Variants in NSL1 observed in about 807,000 individuals in gnomAD.
The protein encoded by NSL1 is NSL1 component of MIS12 kinetochore complex.
In NSL1, 11 loss-of-function variants were observed where a neutral mutation model predicts 25.4. The observed-to-expected ratio is 0.43, with a 90% confidence interval of 0.27 to 0.72. The LOEUF is 0.72. Among genes scored for constraint, NSL1 ranks in the 30% least tolerant of loss-of-function variants. The pLI is 0.19. For missense variants in NSL1, 330 were observed against 342.7 expected (o/e 0.96, Z 0.29); for synonymous variants, 118 against 120.6 (o/e 0.98, Z 0.14).
chr1:212,771,222 G>A (rs1298560541), intron 4 of NSL1, among the ~76,000 whole-genome samples: 8 of 152,172 alleles, frequency 5.3e-5, no homozygotes, highest in African/African-American at 1.7e-4. Flanking sequence ...ACTGAGGCAG[G>A]AGAATCACTT....
intron 4 of NSL1, among the ~76,000 whole-genome samples, chr1:212,763,628 G>C (rs1443597141): frequency 6.6e-6 from 1 of 152,128 alleles, no homozygotes; most frequent in Non-Finnish European, 1.5e-5. Flanking sequence ...GCGAGCAGTA[G>C]TTATTCTTAT....
rs763811733 is a variant in NSL1 at position 212,787,625 on chromosome 1, C to G, written c.247G>C (p.Ala83Pro). The G allele has an allele frequency of 6.3e-7, 1 of 1,598,960 alleles. No individual in the cohort carries two copies. Among genetic ancestry groups the G allele is most frequent in the South Asian group, 1.1e-5 (1 of 87,552 alleles). Reference protein sequence around the residue: ...LRDAQWTFESAVQENISINGQ... With the variant: ...LRDAQWTFESPVQENISINGQ... ...TTAATGCTGATATTCTCTTGCACAG[C>G]TGATTCAAAAGTCTGCAATAAATTC... Residue 83 changes from alanine (A) to proline (P), a missense_variant, in exon 2 of 6, where the codon GCT (alanine) becomes CCT (proline). Physicochemically the swap from Ala to Pro is conservative, Grantham distance 27. Coordinates refer to ENST00000366977, the MANE Select transcript of NSL1 (RefSeq NM_015471.4).
At position 212,732,992 on chromosome 1, in the gene NSL1, T is replaced by G. The variant is rs1658089001; in HGVS notation, c.*5416A>C. On this transcript the variant is annotated 3_prime_UTR_variant, in exon 6 of 6. Transcript: ENST00000366977. Reference sequence around the variant, plus strand: ...TCCTCAGGTCTGGGAATGTTTCTTGTGTTATTTCTATTTCTTTATTCTCTT... The same window carrying G: ...TCCTCAGGTCTGGGAATGTTTCTTGGGTTATTTCTATTTCTTTATTCTCTT... Among the ~76,000 whole-genome samples the G allele has an allele frequency of 6.6e-6, 1 of 152,190 alleles. No individual in the cohort carries two copies. The highest frequency in any genetic ancestry group is 2.4e-5 in the African/African-American group (1 of 41,440).
intron 4 of NSL1, among the ~76,000 whole-genome samples, chr1:212,772,116 T>C (rs6657089): frequency 0.23 from 34,522 of 152,108 alleles, 4,638 homozygotes; most frequent in African/African-American, 0.38. Context: ...TCTGCCATGA[T>C]TGTGAGGCCT....
chr1:212,789,853 C>A (rs541020753), intron 1 of NSL1, among the ~76,000 whole-genome samples: 1 of 152,254 alleles, frequency 6.6e-6, no homozygotes, highest in South Asian at 2.1e-4. Context: ...CAGACAAATT[C>A]TAAGATTATA....
rs1408963716 is a variant in NSL1, at chr1:212,730,312, T to C, written c.*8096A>G. On this transcript the variant is annotated 3_prime_UTR_variant, in exon 6 of 6. Transcript: ENST00000366977. ...ATTTATGGACTGGTGAAGAGTTGTGTGGAGGGTGGCATTCCCATCAAGGTG... is the reference window on the plus strand; with the variant it reads ...ATTTATGGACTGGTGAAGAGTTGTGCGGAGGGTGGCATTCCCATCAAGGTG... 1.0e-6 allele frequency: 1 copy of C among 975,654 alleles called. No homozygotes were observed. Among genetic ancestry groups the C allele is most frequent in the Non-Finnish European group, 1.2e-6 (1 of 828,088 alleles). 60.4% of individuals were successfully genotyped at this position (975,654 alleles called of 1,614,324 possible).
At chr1:212,770,538 T>C (rs1292733128) in intron 4 of NSL1, among the ~76,000 whole-genome samples, 5 of 151,108 alleles carry the variant, frequency 3.3e-5, no homozygotes, top group Admixed American at 6.6e-5. Context: ...CATAACAAGA[T>C]TGAATCAGTA....
At position 212,733,503 on chromosome 1, in the gene NSL1, T is replaced by C. The variant is rs1658113177; in HGVS notation, c.*4905A>G. Among the ~76,000 whole-genome samples the C allele has an allele frequency of 6.6e-6, 1 of 152,128 alleles. No homozygotes were observed. The highest frequency in any genetic ancestry group is 1.5e-5 in the Non-Finnish European group (1 of 68,032). ...CTATTCCTTCCACCCTCTCCATCTT[T>C]CCAGCCTTAGGCAGTGACAGATCTA... is the stretch of plus-strand genomic sequence containing the variant. On this transcript the variant is annotated 3_prime_UTR_variant, in exon 6 of 6. Transcript: ENST00000366977.
chr1:212,737,742 T>C lies in NSL1; in HGVS notation c.*666A>G. ...TTAATGGTCTATAGAAAAAAGTGAG[T>C]GTGGGCAGGAAACATTGGCTACATG... On this transcript the variant is annotated 3_prime_UTR_variant, in exon 6 of 6. Transcript: ENST00000366977. 1.0e-6 allele frequency: 1 copy of C among 983,970 alleles called. No homozygotes were observed. Among genetic ancestry groups the C allele is most frequent in the South Asian group, 4.7e-5 (1 of 21,258 alleles). 61.0% of individuals were successfully genotyped at this position (983,970 alleles called of 1,614,324 possible).
At position 212,738,373 on chromosome 1, in the gene NSL1, G is replaced by T. The variant is rs755506424; in HGVS notation, c.*35C>A. Reference sequence around the variant, plus strand: ...AGGCTGTAATCTAAATGTTGATGGTGCCTATTTTCAACTCCCAAAATAAAC... The same window carrying T: ...AGGCTGTAATCTAAATGTTGATGGTTCCTATTTTCAACTCCCAAAATAAAC... On this transcript the variant is annotated 3_prime_UTR_variant, in exon 6 of 6. Coordinates refer to ENST00000366977, the MANE Select transcript of NSL1 (RefSeq NM_015471.4). The T allele has an allele frequency of 6.3e-7, 1 of 1,577,280 alleles. No individual in the cohort carries two copies. Among genetic ancestry groups the T allele is most frequent in the Middle Eastern group, 1.8e-4 (1 of 5,460 alleles).
rs143517350 is a variant in NSL1, at chr1:212,791,668, G to T, written c.96C>A (p.Pro32=). ...TGCAGCGCACCCGAAAGTCTTCTCG[G>T]GGAGTGGCGGAGACCAAGGCCTGGC... is the stretch of plus-strand genomic sequence containing the variant. ...TESQALVSAT[P]REDFRVRCTS... Residue 32 remains proline (P), a synonymous_variant, in exon 1 of 6, where the codon CCC becomes CCA. Transcript: ENST00000366977. 3.3e-4 allele frequency: 530 copies of T among 1,613,986 alleles called. 2 individuals are homozygous for T. The African/African-American group carries it at 3.9e-3, about 12-fold the overall frequency.
chr1:212,739,673 A>T (rs1441948370), intron 4 of NSL1, 72 bp from the exon 5 acceptor site: 1 of 1,452,372 alleles, frequency 6.9e-7, no homozygotes, highest in East Asian at 2.3e-5. Context: ...TATAGATACT[A>T]TCTGAAAGGC....
Position 212,757,769 on chromosome 1 carries a change from T to C in NSL1, c.500-18168A>G, listed in dbSNP as rs188405852. Among the ~76,000 whole-genome samples the C allele has an allele frequency of 1.1e-4, 17 of 152,198 alleles. No individual in the cohort carries two copies. The East Asian group carries it at 1.9e-3, about 17-fold the overall frequency. ...CCTTGCACTAGGTCCATCTACAACA[T>C]TGAAGGTCCCATTTCAACCATGAGA... On this transcript the variant is annotated intron_variant, in intron 4 of 5. Coordinates refer to ENST00000366977, the MANE Select transcript of NSL1 (RefSeq NM_015471.4).
chr1:212,789,478 C>T (rs568323752), intron 1 of NSL1, among the ~76,000 whole-genome samples: 54 of 143,710 alleles, frequency 3.8e-4, no homozygotes, highest in Non-Finnish European at 6.5e-4. Context: ...TCCCAAAGTG[C>T]TGGGATTACA....
At chr1:212,768,567 C>T (rs1017359417) in intron 4 of NSL1, among the ~76,000 whole-genome samples, 6 of 152,110 alleles carry the variant, frequency 3.9e-5, no homozygotes, top group East Asian at 1.9e-4. Flanking sequence ...TAATAGCATT[C>T]GCAGCAACCT....
intron 2 of NSL1, 124 bp from the exon 3 acceptor site, chr1:212,784,617 C>A: frequency 1.9e-6 from 1 of 532,486 alleles, no homozygotes; most frequent in Admixed American, 3.6e-5. Context: ...ACAAATATGG[C>A]AAGTTAATGA....
At position 212,733,328 on chromosome 1, in the gene NSL1, A is replaced by G. The variant is rs1658104228; in HGVS notation, c.*5080T>C. On this transcript the variant is annotated 3_prime_UTR_variant, in exon 6 of 6. Transcript: ENST00000366977. Reference sequence around the variant, plus strand: ...ATGCCTATAGTCCCACCTACTTGGGAGGCTAAGGTGGGAGGATGGCTTGAG... The same window carrying G: ...ATGCCTATAGTCCCACCTACTTGGGGGGCTAAGGTGGGAGGATGGCTTGAG... Among the ~76,000 whole-genome samples the G allele has an allele frequency of 6.6e-6, 1 of 150,788 alleles. No homozygotes were observed. The highest frequency in any genetic ancestry group is 2.1e-4 in the South Asian group (1 of 4,748).
Position 212,736,765 on chromosome 1 carries a change from A to G in NSL1, c.*1643T>C. The G allele has an allele frequency of 2.0e-6, 2 of 984,838 alleles. No individual in the cohort carries two copies. The highest frequency in any genetic ancestry group is 2.4e-6 in the Non-Finnish European group (2 of 829,366). The allele number at this position is 984,838 out of a possible 1,614,324, so 61.0% of individuals were successfully genotyped here. A position where few individuals can be genotyped will look rare whatever the true frequency, so the allele number is the denominator to read the frequency against. On this transcript the variant is annotated 3_prime_UTR_variant, in exon 6 of 6. Transcript: ENST00000366977. ...GTCATTACACAGATTCAACATTAAC[A>G]GGATTTTTGTCACATTTCCTTAATC...
chr1:212,763,387 A>C (rs1467501389), intron 4 of NSL1, among the ~76,000 whole-genome samples: 1 of 152,192 alleles, frequency 6.6e-6, no homozygotes, highest in African/African-American at 2.4e-5. Context: ...AAAAAAAAAC[A>C]AAGTATCTAA....
Sources: gnomAD v4.1 joint callset for allele counts (sites outside exome capture counted in the v4.1 genomes callset) on GRCh38, gnomAD v4.1.1 for gene constraint, MANE v1.5 for transcripts, NCBI Gene and HGNC (gene_info 2026-07-23, HGNC 2026-07-21) for gene names.